The following JAK1 variants were observed in gnomAD, a reference collection of about 807,000 sequenced individuals.
The protein encoded by JAK1 is Janus kinase 1, also known as tyrosine-protein kinase JAK1.
In JAK1, 16 loss-of-function variants were observed where a neutral mutation model predicts 136.6. The observed-to-expected ratio is 0.12, with a 90% CI of 0.08 to 0.18. The LOEUF (loss-of-function observed/expected upper bound fraction) is 0.18. JAK1 is among the 10% of genes least tolerant of loss of function. The pLI, the probability that JAK1 is intolerant of heterozygous loss-of-function variation, is 1.00. For synonymous variants in JAK1, 492 were observed against 519.5 expected, an observed-to-expected ratio of 0.95 and a Z score of 0.72; for missense variants, 859 against 1,450.1, an observed-to-expected ratio of 0.59 and a Z score of 6.62.
chr1:65,052,402 G>A (rs1403875430), intron 1 of JAK1, among the ~76,000 whole-genome samples: 4 of 152,114 alleles, frequency 2.6e-5, no homozygotes, highest in Admixed American at 2.6e-4. Context: ...ACTAGGCCGG[G>A]CATGGTGGCT....
chr1:64,944,298 T>G (rs910806946), intron 1 of JAK1, among the ~76,000 whole-genome samples: 4 of 152,032 alleles, frequency 2.6e-5, no homozygotes, highest in African/African-American at 9.7e-5. Context: ...ATTTATCACT[T>G]TTTACTAATA....
In JAK1 at chr1:64,980,170, T is replaced by C. The variant is rs372719153; in HGVS notation, c.-78+64310A>G. On this transcript the variant is annotated intron_variant, in intron 2 of 25. Transcript: ENST00000671954. ...TAAAACTCAGAAGTCAGATGAGACC[T>C]GTTTGTTGCTGAAAGATCTGGGTAA... Among the ~76,000 whole-genome samples, 32 of 152,268 alleles carry C rather than the reference T, an allele frequency of 2.1e-4. 5 individuals are homozygous for C. The highest frequency in any genetic ancestry group is 3.9e-4 in the East Asian group (2 of 5,170).
chr1:65,047,674 A>C (rs950096536), intron 1 of JAK1, among the ~76,000 whole-genome samples: 8 of 151,852 alleles, frequency 5.3e-5, no homozygotes, highest in Admixed American at 1.3e-4. Context: ...CGCCGAGATC[A>C]CGCCACTGCA....
At chr1:64,935,403 G>A (rs974015613) in intron 1 of JAK1, among the ~76,000 whole-genome samples, 1 of 152,134 alleles carries the variant, frequency 6.6e-6, no homozygotes, top group Admixed American at 6.5e-5. Flanking sequence ...GGGTTCAAGC[G>A]ATTCTCCTGC....
At chr1:64,904,157 A>T (rs1330565851) in intron 1 of JAK1, among the ~76,000 whole-genome samples, 1 of 152,244 alleles carries the variant, frequency 6.6e-6, no homozygotes. Context: ...ATAATTTTTA[A>T]ATATTGATTT....
chr1:64,967,593 C>A (rs1646408145), upstream of JAK1, among the ~76,000 whole-genome samples: 1 of 152,198 alleles, frequency 6.6e-6, no homozygotes, highest in Admixed American at 6.5e-5. Context: ...ACTTCACTAA[C>A]CCTGCTGGAC....
chr1:65,030,372 A>T (rs1569909587), intron 2 of JAK1, among the ~76,000 whole-genome samples: 1 of 152,238 alleles, frequency 6.6e-6, no homozygotes, highest in Non-Finnish European at 1.5e-5. Context: ...GACGTGTTGT[A>T]TCAGAAACCA....
At chr1:64,865,437 C>G (rs555167337) in intron 7 of JAK1, among the ~76,000 whole-genome samples, 1 of 151,794 alleles carries the variant, frequency 6.6e-6, no homozygotes, top group South Asian at 2.1e-4. Flanking sequence ...AGAGAAGACA[C>G]GAATTTCATG....
intron 2 of JAK1, chr1:64,985,237 T>G: frequency 6.2e-7 from 1 of 1,600,156 alleles, no homozygotes. Flanking sequence ...TAGAACACAG[T>G]ATTGATTACA....
intron 1 of JAK1, among the ~76,000 whole-genome samples, chr1:65,048,456 A>G (rs1647209922): frequency 6.6e-6 from 1 of 152,238 alleles, no homozygotes; most frequent in Non-Finnish European, 1.5e-5. Flanking sequence ...ACATTCCACA[A>G]TCATGTGTTA....
intron 2 of JAK1, among the ~76,000 whole-genome samples, chr1:65,006,776 C>T (rs1646807055): frequency 6.6e-6 from 1 of 152,120 alleles, no homozygotes; most frequent in South Asian, 2.1e-4. Context: ...TGAATTACGC[C>T]TTGTATATAA....
chr1:64,914,783 T>C (rs1031682464), intron 1 of JAK1, among the ~76,000 whole-genome samples: 1 of 152,094 alleles, frequency 6.6e-6, no homozygotes, highest in Non-Finnish European at 1.5e-5. Flanking sequence ...AGGCTGGTCT[T>C]GAACTCCTGA....
chr1:64,913,347 A>T (rs1645317696), intron 1 of JAK1, among the ~76,000 whole-genome samples: 1 of 152,040 alleles, frequency 6.6e-6, no homozygotes, highest in Non-Finnish European at 1.5e-5. Context: ...ACATATGACC[A>T]CCCTACTGAC....
intron 1 of JAK1, among the ~76,000 whole-genome samples, chr1:64,902,147 T>C (rs1349422694): frequency 6.6e-6 from 1 of 152,194 alleles, no homozygotes; most frequent in East Asian, 1.9e-4. Context: ...AGTCTTCACT[T>C]CCTCAAATGA....
At chr1:65,048,149 G>C (rs1475542074) in intron 1 of JAK1, among the ~76,000 whole-genome samples, 1 of 152,034 alleles carries the variant, frequency 6.6e-6, no homozygotes, top group Non-Finnish European at 1.5e-5. Context: ...GGGGGTTCTG[G>C]CATAGCCTCA....
intron 2 of JAK1, chr1:64,989,919 G>A (rs1039890564): frequency 6.6e-6 from 1 of 152,226 alleles, no homozygotes; most frequent in Non-Finnish European, 1.5e-5. Context: ...GAGGGCCCCA[G>A]TACACGCCCA....
chr1:64,851,005 G>T, intron 11 of JAK1, 95 bp from the exon 12 acceptor site: 1 of 781,228 alleles, frequency 1.3e-6, no homozygotes, highest in Non-Finnish European at 2.2e-6. Flanking sequence ...GGACCGGTGT[G>T]CGGGCGCTTG....
chr1:64,958,632 T>C (rs914070571), intron 1 of JAK1, among the ~76,000 whole-genome samples: 1 of 152,258 alleles, frequency 6.6e-6, no homozygotes, highest in Middle Eastern at 3.2e-3. Context: ...AAAATTTTTA[T>C]CTGGAAAGAC....
chr1:64,966,352 G>A lies in JAK1; in HGVS notation c.-97C>T, dbSNP rs1569773339. On this transcript the variant is annotated 5_prime_UTR_variant, in exon 1 of 25. Coordinates refer to ENST00000342505, the MANE Select transcript of JAK1 (RefSeq NM_002227.4). Reference sequence around the variant, plus strand: ...ACTCACCACTTCCGTGTGCGCCTGGGCCAGGCAGCGCCCCGTCGCTGCGCT... The same window carrying A: ...ACTCACCACTTCCGTGTGCGCCTGGACCAGGCAGCGCCCCGTCGCTGCGCT... 1.3e-5 allele frequency: 2 copies of A among 151,340 alleles called. No individual in the cohort carries two copies. The highest frequency in any genetic ancestry group is 2.9e-5 in the Non-Finnish European group (2 of 67,812). 9.4% of individuals were successfully genotyped at this position (151,340 alleles called of 1,614,324 possible). A position where few individuals can be genotyped will look rare whatever the true frequency, so the allele number is the denominator to read the frequency against.
Sources: gnomAD v4.1 joint callset for allele counts (sites outside exome capture counted in the v4.1 genomes callset) on GRCh38, gnomAD v4.1.1 for gene constraint, MANE v1.5 for transcripts, NCBI Gene and HGNC (gene_info 2026-07-23, HGNC 2026-07-21) for gene names.